Variants in POMT2 observed in about 807,000 individuals in gnomAD.
POMT2 encodes the protein protein O-mannosyl-transferase 2.
A neutral mutation model predicts 100.0 loss-of-function variants in POMT2; 75 were observed. The ratio of observed to expected loss-of-function variants is 0.75; its 90% CI spans 0.62 to 0.91. POMT2 has a LOEUF of 0.91. Among genes scored for constraint, POMT2 ranks in the 40% least tolerant of loss-of-function variants. The probability of loss-of-function intolerance (pLI) is 0.00; values close to 1 mark genes in which losing one functional copy is unlikely to be tolerated. For synonymous variants in POMT2, 378 were observed against 374.1 expected (o/e 1.01, Z -0.12); for missense variants, 940 against 955.1 (o/e 0.98, Z 0.21).
rs1890391962 is a variant in POMT2 at position 77,285,513 on chromosome 14, G to A, written c.1452C>T (p.Val484=). ...IRFIHLVTGC[V]LGSSGKVLPK... ...GCAGAACCTTTCCCGAGGAGCCCAG[G>A]ACACAACCTGTGACCAAATGGATGA... Residue 484 remains valine (V), a synonymous_variant, in exon 13 of 21, where the codon GTC becomes GTT. Coordinates refer to ENST00000261534, the MANE Select transcript of POMT2 (RefSeq NM_013382.7). The A allele has an allele frequency of 3.1e-6, 5 of 1,614,130 alleles. No homozygotes were observed. Among genetic ancestry groups the A allele is most frequent in the Non-Finnish European group, 4.2e-6 (5 of 1,180,012 alleles).
intron 1 of POMT2, among the ~76,000 whole-genome samples, chr14:77,314,550 G>T (rs1891560627): frequency 6.6e-6 from 1 of 152,204 alleles, no homozygotes; most frequent in African/African-American, 2.4e-5. Context: ...ATAGTCTTTG[G>T]TAAGAGAAAG....
chr14:77,314,799 C>T (rs917183154), intron 1 of POMT2, among the ~76,000 whole-genome samples: 2 of 152,202 alleles, frequency 1.3e-5, no homozygotes, highest in Non-Finnish European at 2.9e-5. Flanking sequence ...TCCAACGGTG[C>T]GGCAATAGGA....
chr14:77,282,159 AC>A (rs1890261491), intron 15 of POMT2, among the ~76,000 whole-genome samples: 1 of 152,162 alleles, frequency 6.6e-6, no homozygotes, highest in South Asian at 2.1e-4. Context: ...TTGGTCCCAA[AC>A]CCAAGGACTC....
chr14:77,298,882 A>G (rs1890923759), intron 7 of POMT2, 111 bp from the exon 8 acceptor site: 1 of 1,043,146 alleles, frequency 9.6e-7, no homozygotes, highest in African/African-American at 1.6e-5. Context: ...GTAGAATCAG[A>G]TCATGGGACA....
At chr14:77,295,616 A>C (rs1445462716) in intron 9 of POMT2, among the ~76,000 whole-genome samples, 20 of 139,858 alleles carry the variant, frequency 1.4e-4, no homozygotes, top group Non-Finnish European at 2.5e-4. Context: ...TGGGTGACAG[A>C]GCAAGACTCC....
intron 10 of POMT2, among the ~76,000 whole-genome samples, chr14:77,290,739 G>A (rs983151330): frequency 2.6e-5 from 4 of 152,232 alleles, no homozygotes; most frequent in African/African-American, 9.6e-5. Context: ...GTGTGCTTCA[G>A]AGCGCCTTCA....
chr14:77,316,158 C>A (rs1319557800), intron 1 of POMT2, among the ~76,000 whole-genome samples: 1 of 152,230 alleles, frequency 6.6e-6, no homozygotes, highest in Non-Finnish European at 1.5e-5. Context: ...AACTACTCAA[C>A]ACTTTGAAAT....
At position 77,277,352 on chromosome 14, in the gene POMT2, C is replaced by G. The variant is rs749503409; in HGVS notation, c.*24G>C. On this transcript the variant is annotated 3_prime_UTR_variant, in exon 21 of 21. Transcript: ENST00000261534. ...GGCTCTCCTGGGAAGTTCCTGGACC[C>G]AGGCTGGAATCTTTGCAGTGGCCTC... The G allele has an allele frequency of 1.3e-6, 2 of 1,581,310 alleles. No individual in the cohort carries two copies. The highest frequency in any genetic ancestry group is 2.2e-5 in the South Asian group (2 of 90,382).
chr14:77,320,136 T>A (rs1485645038), intron 1 of POMT2, among the ~76,000 whole-genome samples: 1 of 152,166 alleles, frequency 6.6e-6, no homozygotes, highest in East Asian at 1.9e-4. Context: ...TTTGGAAAGT[T>A]GAAAGCACCT....
Position 77,320,542 on chromosome 14 carries a change from C to G in POMT2, c.140G>C (p.Trp47Ser), listed in dbSNP as rs765533626. ...GACCGCCTCGAAGCGCCGTGAGCCC[C>G]AAGCAGGCCGTTTGGGGCTTCGCGC... ...AVARSPKRPA[W>S]GSRRFEAVGW... is the part of the protein sequence containing the mutation. The change falls in exon 1 of 21, where the codon TGG becomes TCG. Residue 47 changes from tryptophan (W) to serine (S), a missense_variant. Trp to Ser is a radical substitution (Grantham distance 177). Transcript: ENST00000261534. 6.4e-7 allele frequency: 1 copy of G among 1,563,446 alleles called. No homozygotes were observed. The highest frequency in any genetic ancestry group is 1.2e-5 in the South Asian group (1 of 86,642).
chr14:77,316,887 A>C (rs1377366032), intron 1 of POMT2, among the ~76,000 whole-genome samples: 9 of 152,222 alleles, frequency 5.9e-5, no homozygotes, highest in African/African-American at 2.2e-4. Context: ...CTAAATACTG[A>C]GAGATGAAAG....
At chr14:77,282,146 A>G (rs557614748) in intron 15 of POMT2, among the ~76,000 whole-genome samples, 118 of 152,358 alleles carry the variant, frequency 7.7e-4, no homozygotes, top group Non-Finnish European at 1.5e-3. Flanking sequence ...CAAATTGTAC[A>G]GTTTGGTCCC....
At chr14:77,304,057 AATCT>A (rs1158245285) in intron 4 of POMT2, among the ~76,000 whole-genome samples, 1 of 152,250 alleles carries the variant, frequency 6.6e-6, no homozygotes, top group African/African-American at 2.4e-5. Context: ...ATAATCTTGC[AATCT>A]ATCTGTCAAA....
intron 4 of POMT2, among the ~76,000 whole-genome samples, chr14:77,304,470 C>T (rs1376043914): frequency 2.0e-5 from 3 of 152,152 alleles, no homozygotes; most frequent in Admixed American, 2.0e-4. Context: ...TTGGGATTAC[C>T]CACGCCGATT....
At chr14:77,320,247 C>T (rs973314332) in intron 1 of POMT2, 187 bp downstream of exon 1, 11 of 962,776 alleles carry the variant, frequency 1.1e-5, no homozygotes, top group Non-Finnish European at 1.6e-5. Flanking sequence ...GCCCCACCAC[C>T]AGAGCAAAAC....
rs200536837 is a variant in POMT2, at chr14:77,284,816, AAG to A, written c.1576+132_1576+133del. On this transcript the variant is annotated intron_variant, in intron 14 of 20. Coordinates refer to ENST00000261534, the MANE Select transcript of POMT2 (RefSeq NM_013382.7). ...TATGTAGGTACAGACAACTCATAGA[AAG>A]AGAGTGTTAACAAGGAACAAACAGC... 7.0e-5 allele frequency: 54 copies of A among 766,788 alleles called. 1 individual carries two copies. The East Asian group carries it at 1.4e-3, about 20-fold the overall frequency. The allele number at this position is 766,788 out of a possible 1,614,324, so 47.5% of individuals were successfully genotyped here. A position where few individuals can be genotyped will look rare whatever the true frequency, so the allele number is the denominator to read the frequency against.
chr14:77,294,251 A>T (rs1199692769), intron 9 of POMT2, among the ~76,000 whole-genome samples: 1 of 152,146 alleles, frequency 6.6e-6, no homozygotes. Flanking sequence ...TCTAATTCCC[A>T]CGTGTTGTGG....
intron 13 of POMT2, 192 bp downstream of exon 13, chr14:77,285,289 A>G: frequency 1.3e-6 from 1 of 769,712 alleles, no homozygotes; most frequent in Non-Finnish European, 2.1e-6. Context: ...CTATCAGAAC[A>G]CATAAAACAC....
chr14:77,297,471 C>A (rs1890874003), intron 8 of POMT2, among the ~76,000 whole-genome samples: 1 of 152,214 alleles, frequency 6.6e-6, no homozygotes, highest in Non-Finnish European at 1.5e-5. Flanking sequence ...CCAAATCCCA[C>A]TGGCCCCATG....
Sources: allele counts gnomAD v4.1 joint callset (sites outside exome capture counted in the v4.1 genomes callset), GRCh38; gene constraint gnomAD v4.1.1; transcripts MANE v1.5; gene names NCBI Gene and HGNC (gene_info 2026-07-23, HGNC 2026-07-21).